SLC17A9: variants seen among roughly 807,000 people sequenced by gnomAD.
SLC17A9 encodes solute carrier family 17 member 9.
SLC17A9 carries 49 observed loss-of-function variants against 55.0 expected under a neutral mutation model. The observed-to-expected ratio is 0.89, with a 90% CI of 0.71 to 1.13. SLC17A9 has a LOEUF of 1.13. SLC17A9 is among the 50% of genes most tolerant of loss of function. The pLI, the probability that SLC17A9 is intolerant of heterozygous loss-of-function variation, is 0.00. For synonymous variants in SLC17A9, 256 were observed against 247.4 expected (o/e 1.03, Z -0.32); for missense variants, 526 against 569.3 (o/e 0.92, Z 0.77).
chr20:62,967,507 A>C lies in SLC17A9; in HGVS notation c.*7A>C, dbSNP rs1258347821. On this transcript the variant is annotated 3_prime_UTR_variant, in exon 13 of 13. Transcript: ENST00000370351. ...TACCCATGAGGACCTCTAGCTCCCAACCCCACAGCCTCTCCAAGGACCCAG... is the reference window on the plus strand; with the variant it reads ...TACCCATGAGGACCTCTAGCTCCCACCCCCACAGCCTCTCCAAGGACCCAG... 1.2e-6 allele frequency: 2 copies of C among 1,612,474 alleles called. No homozygotes were observed. The highest frequency in any genetic ancestry group is 1.7e-6 in the Non-Finnish European group (2 of 1,178,954).
At chr20:62,957,242 C>T in intron 2 of SLC17A9, 199 bp from the exon 3 acceptor site, 2 of 985,376 alleles carry the variant, frequency 2.0e-6, no homozygotes, top group Non-Finnish European at 2.4e-6. Context: ...GCCCCAGGGC[C>T]CTGCAGGCAG....
intron 12 of SLC17A9, 100 bp downstream of exon 12, chr20:62,966,832 C>G (rs747973401): frequency 3.3e-5 from 48 of 1,467,016 alleles, no homozygotes; most frequent in Non-Finnish European, 4.0e-5. Context: ...CAGAGGGGGT[C>G]CGGGTGTCAG....
intron 1 of SLC17A9, among the ~76,000 whole-genome samples, chr20:62,953,947 G>A (rs1027944704): frequency 2.0e-5 from 3 of 152,222 alleles, no homozygotes; most frequent in East Asian, 1.9e-4. Flanking sequence ...CCCCACCCAC[G>A]TTCATCCAGG....
In SLC17A9 at chr20:62,956,747, C is replaced by T; in HGVS notation, c.60-18C>T. ...GCCGTGGGGCCTCCCCAGGGCCTGA[C>T]CATCTCCTGTCCCACAGGCCCGAGT... On this transcript the variant is annotated intron_variant, in intron 1 of 12. Transcript: ENST00000370351. 1 of 1,606,554 alleles carries T rather than the reference C, an allele frequency of 6.2e-7. No homozygotes were observed. Among genetic ancestry groups the T allele is most frequent in the East Asian group, 2.2e-5 (1 of 44,658 alleles).
chr20:62,956,373 C>T (rs1285569123), intron 1 of SLC17A9, among the ~76,000 whole-genome samples: 1 of 152,140 alleles, frequency 6.6e-6, no homozygotes, highest in Non-Finnish European at 1.5e-5. Flanking sequence ...CAGACAGGAC[C>T]TTTTGGGAAG....
chr20:62,960,341 C>T (rs78908362), intron 3 of SLC17A9, among the ~76,000 whole-genome samples, 163 bp from the exon 4 acceptor site: 5,163 of 152,332 alleles, frequency 0.034, 158 homozygotes, highest in Middle Eastern at 0.065. Context: ...GAGTCTGTTT[C>T]CTCAGTGGCA....
At position 62,958,081 on chromosome 20, in the gene SLC17A9, G is replaced by A. The variant is rs1325388946; in HGVS notation, c.397+501G>A. 6.6e-6 allele frequency among the ~76,000 whole-genome samples: 1 copy of A among 152,176 alleles called. No individual in the cohort carries two copies. The highest frequency in any genetic ancestry group is 1.5e-5 in the Non-Finnish European group (1 of 68,012). Reference sequence around the variant, plus strand: ...TGCATGCCTGTATGCATGTGTATGTGTGTGTGCGTTCCTGTATCCATGTGT... The same window carrying A: ...TGCATGCCTGTATGCATGTGTATGTATGTGTGCGTTCCTGTATCCATGTGT... On this transcript the variant is annotated intron_variant, in intron 3 of 12. Transcript: ENST00000370351. This position sits in a 1 kb window ranked among gnomAD's most constrained non-coding sequence, Gnocchi z 4.1.
intron 8 of SLC17A9, 163 bp from the exon 9 acceptor site, chr20:62,964,969 T>G: frequency 1.4e-5 from 10 of 740,012 alleles, no homozygotes; most frequent in Non-Finnish European, 2.3e-5. Flanking sequence ...GCACCCCACA[T>G]GCGTGTGTGC....
At chr20:62,966,654 G>C in intron 11 of SLC17A9, 49 bp from the exon 12 acceptor site, 1 of 1,613,856 alleles carries the variant, frequency 6.2e-7, no homozygotes, top group African/African-American at 1.3e-5. Context: ...GGATCCCGGA[G>C]GGCTTTTGCT....
chr20:62,960,226 A>ACATGTG (rs2065577493), intron 3 of SLC17A9, among the ~76,000 whole-genome samples: 2 of 152,308 alleles, frequency 1.3e-5, no homozygotes, highest in South Asian at 4.1e-4. Context: ...GAGAGTGTGC[A>ACATGTG]CATGTGCATG....
In SLC17A9 at chr20:62,957,433, C is replaced by T. The variant is rs761629378; in HGVS notation, c.258-8C>T. The T allele has an allele frequency of 2.5e-6, 4 of 1,569,766 alleles. No homozygotes were observed. The Admixed American group carries it at 5.6e-5, about 22-fold the overall frequency. ...CCACATCCTCACCTCCCTCTGTCTT[C>T]CCTCCAGGATTGGGGGTGAGAAGGT... On this transcript the variant is annotated splice_region_variant and splice_polypyrimidine_tract_variant and intron_variant, in intron 2 of 12. Transcript: ENST00000370351.
intron 1 of SLC17A9, 33 bp downstream of exon 1, chr20:62,952,922 G>A (rs993024748): frequency 1.4e-6 from 2 of 1,393,370 alleles, no homozygotes; most frequent in South Asian, 1.4e-5. Context: ...GGGGGTGGGA[G>A]CGGTGGAGAT....
chr20:62,965,940 G>A (rs558842125), intron 10 of SLC17A9, among the ~76,000 whole-genome samples: 26 of 152,386 alleles, frequency 1.7e-4, no homozygotes, highest in African/African-American at 5.8e-4. Flanking sequence ...TGATTTGTGC[G>A]AACATGCTTT....
chr20:62,954,320 G>A (rs1244639597), intron 1 of SLC17A9, among the ~76,000 whole-genome samples: 4 of 152,224 alleles, frequency 2.6e-5, no homozygotes, highest in South Asian at 2.1e-4. Context: ...TGGGCCAGGC[G>A]AGAACAGAGC....
At position 62,965,636 on chromosome 20, in the gene SLC17A9, C is replaced by T. The variant is rs762567268; in HGVS notation, c.972C>T (p.Val324=). Reference sequence around the variant, plus strand: ...GCATGGGCCTTGGCCTCTCCAGCGTCTTTGCTCTGTGCCTGGGCCACACCT... The same window carrying T: ...GCATGGGCCTTGGCCTCTCCAGCGTTTTTGCTCTGTGCCTGGGCCACACCT... ...MQGMGLGLSS[V]FALCLGHTSS... Residue 324 remains valine, a synonymous_variant, in exon 10 of 13, where the codon GTC becomes GTT. Coordinates refer to ENST00000370351, the MANE Select transcript of SLC17A9 (RefSeq NM_022082.4). 6.2e-7 allele frequency: 1 copy of T among 1,613,792 alleles called. No individual in the cohort carries two copies. The highest frequency in any genetic ancestry group is 8.5e-7 in the Non-Finnish European group (1 of 1,180,030).
intron 12 of SLC17A9, 126 bp from the exon 13 acceptor site, chr20:62,967,211 C>A: frequency 1.7e-6 from 2 of 1,157,484 alleles, no homozygotes; most frequent in Non-Finnish European, 2.5e-6. Context: ...GCCCTGGGAA[C>A]CATGGGGGCT....
chr20:62,954,264 G>T (rs140951877), intron 1 of SLC17A9, among the ~76,000 whole-genome samples: 1 of 152,218 alleles, frequency 6.6e-6, no homozygotes, highest in African/African-American at 2.4e-5. Context: ...GCTGCCACAC[G>T]CACGCCTTTT....
Position 62,962,991 on chromosome 20 carries a change from G to A in SLC17A9, c.628+237G>A, listed in dbSNP as rs2065602186. On this transcript the variant is annotated intron_variant, in intron 5 of 12. Transcript: ENST00000370351. The surrounding 1 kb of genome is among the most constrained non-coding windows in gnomAD (Gnocchi z 5.5). The stretch of plus-strand genomic sequence containing the variant: ...GCAGACACCCAGGAAGACCTGCTGG[G>A]CACAGGTCAAGGCAGGGTGCAGGAG... 1.5e-6 allele frequency: 1 copy of A among 670,082 alleles called. No individual in the cohort carries two copies. The highest frequency in any genetic ancestry group is 2.5e-6 in the Non-Finnish European group (1 of 403,120). The allele number at this position is 670,082 out of a possible 1,614,324, so 41.5% of individuals were successfully genotyped here.
rs1474884904 is a variant in SLC17A9 at position 62,967,575 on chromosome 20, T to G, written c.*75T>G. ...ACACAGGGGACTCAGTGTGTGGGACTTGGTCACTCCATGTCAGACACACGA... is the reference window on the plus strand; with the variant it reads ...ACACAGGGGACTCAGTGTGTGGGACGTGGTCACTCCATGTCAGACACACGA... On this transcript the variant is annotated 3_prime_UTR_variant, in exon 13 of 13. Coordinates refer to ENST00000370351, the MANE Select transcript of SLC17A9 (RefSeq NM_022082.4). 1.3e-6 allele frequency: 2 copies of G among 1,519,908 alleles called. No homozygotes were observed. The highest frequency in any genetic ancestry group is 3.8e-5 in the Admixed American group (2 of 52,872). 94.2% of individuals were successfully genotyped at this position (1,519,908 alleles called of 1,614,324 possible).
Sources: allele counts gnomAD v4.1 joint callset (sites outside exome capture counted in the v4.1 genomes callset), GRCh38; gene constraint gnomAD v4.1.1; non-coding constraint Gnocchi (gnomAD v3.1); transcripts MANE v1.5; gene names NCBI Gene and HGNC (gene_info 2026-07-23, HGNC 2026-07-21).